Variants in KIAA0825 observed in about 807,000 individuals in gnomAD.
KIAA0825 encodes the protein KIAA0825, also known as uncharacterized protein KIAA0825.
Under a neutral mutation model 147.6 loss-of-function variants are expected in KIAA0825, and 119 were observed. The ratio of observed to expected loss-of-function variants is 0.81; its 90% CI spans 0.69 to 0.94. The LOEUF (loss-of-function observed/expected upper bound fraction) is 0.94. Ranked by LOEUF, KIAA0825 falls within the 40% of genes least tolerant of loss-of-function variation. The probability of loss-of-function intolerance (pLI) is 0.00; values close to 1 mark genes in which losing one functional copy is unlikely to be tolerated. For missense variants in KIAA0825, 1,381 were observed against 1,472.7 expected, an observed-to-expected ratio of 0.94 and a Z score of 1.02; for synonymous variants, 470 against 518.1, an observed-to-expected ratio of 0.91 and a Z score of 1.26.
intron 15 of KIAA0825, among the ~76,000 whole-genome samples, chr5:94,411,034 C>T (rs1048186704): frequency 6.6e-6 from 1 of 151,860 alleles, no homozygotes; most frequent in Non-Finnish European, 1.5e-5. Flanking sequence ...GTTTATAATA[C>T]TTATAGAAAT....
intron 14 of KIAA0825, among the ~76,000 whole-genome samples, chr5:94,423,829 A>T (rs972093969): frequency 1.1e-4 from 16 of 152,212 alleles, no homozygotes; most frequent in Admixed American, 3.3e-4. Flanking sequence ...CAATAAATTA[A>T]AAGGACGTGA....
chr5:94,319,856 C>G (rs1293154296), intron 20 of KIAA0825, among the ~76,000 whole-genome samples: 1 of 151,882 alleles, frequency 6.6e-6, no homozygotes, highest in Non-Finnish European at 1.5e-5. Flanking sequence ...CAAAGACTTG[C>G]TATCATACAA....
intron 20 of KIAA0825, among the ~76,000 whole-genome samples, chr5:94,272,415 C>T (rs1008953391): frequency 1.3e-5 from 2 of 152,094 alleles, no homozygotes; most frequent in African/African-American, 4.8e-5. Context: ...CCTGATGTGA[C>T]TGTGATGCAC....
At chr5:94,550,003 A>T (rs1561300439) in intron 2 of KIAA0825, among the ~76,000 whole-genome samples, 1 of 152,168 alleles carries the variant, frequency 6.6e-6, no homozygotes, top group East Asian at 1.9e-4. Context: ...GATAAAATGG[A>T]CATCAACAGA....
chr5:94,244,383 A>G (rs1775500468), intron 20 of KIAA0825, among the ~76,000 whole-genome samples: 1 of 152,118 alleles, frequency 6.6e-6, no homozygotes, highest in Admixed American at 6.6e-5. Context: ...TCCAGACTGG[A>G]GTACAGTGCC....
intron 3 of KIAA0825, among the ~76,000 whole-genome samples, chr5:94,524,429 T>C (rs969242536): frequency 2.0e-5 from 3 of 151,592 alleles, no homozygotes; most frequent in African/African-American, 7.3e-5. Context: ...AGAGATAAAA[T>C]ACTGAACACT....
chr5:94,453,086 A>C lies in KIAA0825; in HGVS notation c.2247-17T>G, dbSNP rs1345080415. The C allele has an allele frequency of 2.3e-6, 3 of 1,322,440 alleles. No homozygotes were observed. The South Asian group carries it at 4.2e-5, about 19-fold the overall frequency. 81.9% of individuals were successfully genotyped at this position (1,322,440 alleles called of 1,614,324 possible). On this transcript the variant is annotated splice_polypyrimidine_tract_variant and intron_variant, in intron 12 of 20. Transcript: ENST00000682413. ...TGAAAAGTCCTAGGGAAATACAAATAATTAGTTTAGAATATACAGGAAGCA... is the reference window on the plus strand; with the variant it reads ...TGAAAAGTCCTAGGGAAATACAAATCATTAGTTTAGAATATACAGGAAGCA...
chr5:94,186,382 T>C (rs1441227897), intron 20 of KIAA0825, among the ~76,000 whole-genome samples: 1 of 152,220 alleles, frequency 6.6e-6, no homozygotes, highest in Non-Finnish European at 1.5e-5. Flanking sequence ...TTTACTGACC[T>C]TTCTAAAGCA....
At chr5:94,570,852 A>C (rs1779846123) in intron 2 of KIAA0825, among the ~76,000 whole-genome samples, 1 of 152,154 alleles carries the variant, frequency 6.6e-6, no homozygotes, top group Admixed American at 6.5e-5. Flanking sequence ...GTACCACCCA[A>C]GTATTGACCC....
chr5:94,510,493 T>C (rs542158309), intron 5 of KIAA0825, among the ~76,000 whole-genome samples: 1 of 152,284 alleles, frequency 6.6e-6, no homozygotes, highest in Admixed American at 6.5e-5. Flanking sequence ...CATTGATAGG[T>C]TTTGTTTTTG....
chr5:94,393,106 C>G (rs556440221), intron 17 of KIAA0825, among the ~76,000 whole-genome samples: 1 of 152,206 alleles, frequency 6.6e-6, no homozygotes, highest in Non-Finnish European at 1.5e-5. Flanking sequence ...CATCACTGTG[C>G]AGGTGAAGCA....
chr5:94,191,093 A>G (rs1167847582), intron 20 of KIAA0825, among the ~76,000 whole-genome samples: 1 of 152,216 alleles, frequency 6.6e-6, no homozygotes, highest in Non-Finnish European at 1.5e-5. Context: ...ATTCCATTAA[A>G]TGAATTCAAA....
Position 94,480,605 on chromosome 5 carries a change from A to G in KIAA0825, c.1133-3400T>C, listed in dbSNP as rs1294716168. 3.9e-5 allele frequency among the ~76,000 whole-genome samples: 6 copies of G among 152,062 alleles called. No individual in the cohort carries two copies. In the South Asian group the frequency reaches 1.2e-3, roughly 31 times the overall value. Reference sequence around the variant, plus strand: ...TGTAGCTATAGTTTAAGACTTACGGAAAAAGTTAATTATCTTGTATTTATC... The same window carrying G: ...TGTAGCTATAGTTTAAGACTTACGGGAAAAGTTAATTATCTTGTATTTATC... On this transcript the variant is annotated intron_variant, in intron 6 of 20. Coordinates refer to ENST00000682413, the MANE Select transcript of KIAA0825 (RefSeq NM_001145678.3).
chr5:94,168,833 G>A (rs1023038840), intron 20 of KIAA0825, among the ~76,000 whole-genome samples: 2 of 151,972 alleles, frequency 1.3e-5, no homozygotes, highest in African/African-American at 4.8e-5. Flanking sequence ...TTTTTTTCCT[G>A]TTAAACTTGA....
intron 20 of KIAA0825, among the ~76,000 whole-genome samples, chr5:94,262,233 A>G (rs1224686409): frequency 1.3e-5 from 2 of 152,102 alleles, no homozygotes; most frequent in Non-Finnish European, 2.9e-5. Flanking sequence ...ATACAAATTA[A>G]AATTAGATAT....
At chr5:94,334,341 A>G (rs1263571053) in intron 20 of KIAA0825, among the ~76,000 whole-genome samples, 1 of 152,282 alleles carries the variant, frequency 6.6e-6, no homozygotes, top group East Asian at 1.9e-4. Context: ...ATGATTGCCT[A>G]TGCAAAACAT....
rs771486226 is a variant in KIAA0825 at position 94,182,250 on chromosome 5, C to CTTTTT, written c.3711-28131_3711-28127dup. ...CAAGACATAACTTAAAATGTCCCTTCTTTTTTTTTTTTTTTTTTTTTTTTT... is the reference window on the plus strand; with the variant it reads ...CAAGACATAACTTAAAATGTCCCTTCTTTTTTTTTTTTTTTTTTTTTTTTTTTTTT... On this transcript the variant is annotated intron_variant, in intron 20 of 20. Coordinates refer to ENST00000682413, the MANE Select transcript of KIAA0825 (RefSeq NM_001145678.3). Among the ~76,000 whole-genome samples, 38 of 38,280 alleles carry CTTTTT rather than the reference C, an allele frequency of 9.9e-4. 7 individuals carry two copies. The highest frequency in any genetic ancestry group is 9.9e-4 in the Non-Finnish European group (23 of 23,232). The allele number at this position is 38,280 out of a possible 152,430, so 25.1% of individuals were successfully genotyped here.
chr5:94,534,226 G>T (rs1472008567), intron 3 of KIAA0825, among the ~76,000 whole-genome samples: 1 of 152,172 alleles, frequency 6.6e-6, no homozygotes, highest in Non-Finnish European at 1.5e-5. Context: ...CTACTGCAGT[G>T]TAAGTGTGGC....
intron 20 of KIAA0825, among the ~76,000 whole-genome samples, chr5:94,293,760 G>A: frequency 6.6e-6 from 1 of 152,120 alleles, no homozygotes; most frequent in East Asian, 1.9e-4. Flanking sequence ...CTCTTTGTAG[G>A]TCTCTAAGAA....
Sources: gnomAD v4.1 joint callset for allele counts (sites outside exome capture counted in the v4.1 genomes callset) on GRCh38, gnomAD v4.1.1 for gene constraint, MANE v1.5 for transcripts, NCBI Gene and HGNC (gene_info 2026-07-23, HGNC 2026-07-21) for gene names.